Variants in ZNF804B observed in about 807,000 individuals in gnomAD.
ZNF804B encodes the protein zinc finger protein 804B.
In ZNF804B, 80 loss-of-function variants were observed where a neutral mutation model predicts 101.4. That is an observed-to-expected ratio of 0.79 (90% CI 0.66 to 0.95). ZNF804B has a LOEUF of 0.95. Among genes scored for constraint, ZNF804B ranks in the 40% least tolerant of loss-of-function variants. The pLI is 0.00. For missense variants in ZNF804B, 1,673 were observed against 1,561.9 expected (o/e 1.07, Z -1.20); for synonymous variants, 622 against 558.8 (o/e 1.11, Z -1.59).
At chr7:89,197,964 T>C (rs1788580176) in intron 1 of ZNF804B, among the ~76,000 whole-genome samples, 1 of 151,836 alleles carries the variant, frequency 6.6e-6, no homozygotes, top group Non-Finnish European at 1.5e-5. Flanking sequence ...ATTAGTATGT[T>C]TCCACATACA....
chr7:88,993,130 A>G (rs1327228904), intron 1 of ZNF804B, among the ~76,000 whole-genome samples: 3 of 152,026 alleles, frequency 2.0e-5, no homozygotes, highest in Admixed American at 2.0e-4. Context: ...TGCTTTATCC[A>G]TTATGAAATC....
At chr7:89,216,349 A>T (rs1234546175) in intron 1 of ZNF804B, among the ~76,000 whole-genome samples, 1 of 151,948 alleles carries the variant, frequency 6.6e-6, no homozygotes, top group Non-Finnish European at 1.5e-5. Flanking sequence ...TGGAGAAATA[A>T]TGGTTTCCCT....
At chr7:89,325,717 A>G (rs1790886439) in intron 2 of ZNF804B, among the ~76,000 whole-genome samples, 1 of 151,948 alleles carries the variant, frequency 6.6e-6, no homozygotes, top group Non-Finnish European at 1.5e-5. Context: ...TTATTATACA[A>G]GTTTTGTGTG....
intron 1 of ZNF804B, among the ~76,000 whole-genome samples, chr7:89,004,757 G>C (rs1788347538): frequency 6.6e-6 from 1 of 151,710 alleles, no homozygotes; most frequent in African/African-American, 2.4e-5. Flanking sequence ...AGATACTTAG[G>C]TATGGAATAT....
intron 2 of ZNF804B, among the ~76,000 whole-genome samples, chr7:89,283,361 A>G (rs1030773643): frequency 6.6e-6 from 1 of 152,236 alleles, no homozygotes; most frequent in African/African-American, 2.4e-5. Context: ...TGATCACATA[A>G]TACTTGGTAT....
intron 1 of ZNF804B, among the ~76,000 whole-genome samples, chr7:89,169,487 G>A (rs1345980577): frequency 6.6e-6 from 1 of 152,108 alleles, no homozygotes; most frequent in Non-Finnish European, 1.5e-5. Flanking sequence ...CAAGCCCTGT[G>A]TTTAAAGTTA....
chr7:88,984,207 G>A (rs1040692205), intron 1 of ZNF804B, among the ~76,000 whole-genome samples: 1 of 151,980 alleles, frequency 6.6e-6, no homozygotes, highest in Admixed American at 6.6e-5. Flanking sequence ...AAAACTGTCT[G>A]CTTAAGTATG....
chr7:89,177,139 A>G (rs1221142354), intron 1 of ZNF804B, among the ~76,000 whole-genome samples: 4 of 151,806 alleles, frequency 2.6e-5, no homozygotes, highest in African/African-American at 9.7e-5. Context: ...TCTGATTTAT[A>G]TTTTCTCTAC....
At chr7:89,154,316 A>G (rs961689517) in intron 1 of ZNF804B, among the ~76,000 whole-genome samples, 1 of 152,168 alleles carries the variant, frequency 6.6e-6, no homozygotes, top group Non-Finnish European at 1.5e-5. Flanking sequence ...TATAGAGGAC[A>G]GTTTGGAGTT....
chr7:89,203,359 G>A lies in ZNF804B; in HGVS notation c.109-14796G>A, dbSNP rs115299688. On this transcript the variant is annotated intron_variant, in intron 1 of 3. Transcript: ENST00000333190. ...GAACTTCTTTTTGAGGTTTTCTGACGTCACTTATCCAAGTTTTGCAGTTGT... is the reference window on the plus strand; with the variant it reads ...GAACTTCTTTTTGAGGTTTTCTGACATCACTTATCCAAGTTTTGCAGTTGT... Among the ~76,000 whole-genome samples the A allele has an allele frequency of 2.7e-3, 416 of 152,180 alleles. 4 individuals are homozygous for A. The highest frequency in any genetic ancestry group is 9.3e-3 in the African/African-American group (388 of 41,530).
At chr7:89,001,249 A>G (rs910382552) in intron 1 of ZNF804B, among the ~76,000 whole-genome samples, 3 of 151,070 alleles carry the variant, frequency 2.0e-5, no homozygotes, top group African/African-American at 7.3e-5. Context: ...GCACATGCTA[A>G]TTAGCTATAT....
chr7:88,853,939 G>A (rs1791485590), intron 1 of ZNF804B, among the ~76,000 whole-genome samples: 1 of 152,078 alleles, frequency 6.6e-6, no homozygotes, highest in South Asian at 2.1e-4. Context: ...CGTTTCGAGG[G>A]CTGTTAAAAT....
At chr7:89,051,709 A>G (rs1319596832) in intron 1 of ZNF804B, among the ~76,000 whole-genome samples, 2 of 152,092 alleles carry the variant, frequency 1.3e-5, no homozygotes, top group African/African-American at 4.8e-5. Flanking sequence ...ATTTCATCTT[A>G]TAAATTTATG....
chr7:88,902,034 G>A (rs2115954983), intron 1 of ZNF804B, among the ~76,000 whole-genome samples: 1 of 151,902 alleles, frequency 6.6e-6, no homozygotes, highest in East Asian at 1.9e-4. Flanking sequence ...GCAAAACTTA[G>A]ATATTCTAAC....
At chr7:88,817,309 A>T (rs1790899235) in intron 1 of ZNF804B, among the ~76,000 whole-genome samples, 1 of 152,180 alleles carries the variant, frequency 6.6e-6, no homozygotes, top group South Asian at 2.1e-4. Context: ...GCAGCACACC[A>T]ACATGGCACA....
intron 1 of ZNF804B, among the ~76,000 whole-genome samples, chr7:89,051,754 G>T (rs1436485441): frequency 6.6e-6 from 1 of 151,910 alleles, no homozygotes; most frequent in Non-Finnish European, 1.5e-5. Flanking sequence ...TTAACAATTT[G>T]CAGTATAGTG....
intron 3 of ZNF804B, among the ~76,000 whole-genome samples, chr7:89,331,325 G>A (rs1017745595): frequency 1.4e-4 from 21 of 151,624 alleles, no homozygotes; most frequent in African/African-American, 4.8e-4. Context: ...CAATAATGTT[G>A]TAATAAAGTC....
chr7:88,888,890 C>T (rs1004633847), intron 1 of ZNF804B, among the ~76,000 whole-genome samples: 7 of 152,084 alleles, frequency 4.6e-5, no homozygotes, highest in African/African-American at 1.7e-4. Context: ...TTGATTGCAT[C>T]ACCCAGGTAG....
At chr7:89,069,535 A>G (rs1789503609) in intron 1 of ZNF804B, among the ~76,000 whole-genome samples, 1 of 152,160 alleles carries the variant, frequency 6.6e-6, no homozygotes, top group Non-Finnish European at 1.5e-5. Context: ...TTGTAATTAT[A>G]TCACATAAAA....
Sources: allele counts gnomAD v4.1 joint callset (sites outside exome capture counted in the v4.1 genomes callset), GRCh38; gene constraint gnomAD v4.1.1; transcripts MANE v1.5; gene names NCBI Gene and HGNC (gene_info 2026-07-23, HGNC 2026-07-21).